The following NRXN3 variants were observed in gnomAD, a reference collection of about 807,000 sequenced individuals.
NRXN3 encodes the protein neurexin III.
In NRXN3, 32 loss-of-function variants were observed where a neutral mutation model predicts 137.6. The ratio of observed to expected loss-of-function variants is 0.23; its 90% CI spans 0.18 to 0.31. The LOEUF (loss-of-function observed/expected upper bound fraction) is 0.31, where lower values mean the gene tolerates loss of function less well. Ranked by LOEUF, NRXN3 falls within the 10% of genes least tolerant of loss-of-function variation. NRXN3 has a pLI of 1.00. For missense variants in NRXN3, 1,574 were observed against 2,062.5 expected (o/e 0.76, Z 4.59); for synonymous variants, 798 against 784.5 (o/e 1.02, Z -0.29).
chr14:78,224,810 A>G (rs1386118475), intron 1 of NRXN3, among the ~76,000 whole-genome samples: 1 of 113,402 alleles, frequency 8.8e-6, no homozygotes, highest in East Asian at 3.0e-4. Context: ...CCCAGGCTGG[A>G]CTGCGGACTG....
chr14:78,311,593 T>C (rs969159763), intron 4 of NRXN3, among the ~76,000 whole-genome samples: 1 of 152,208 alleles, frequency 6.6e-6, no homozygotes, highest in African/African-American at 2.4e-5. Context: ...GTATTTCATG[T>C]GTGGCCTAAG....
At position 78,300,923 on chromosome 14, in the gene NRXN3, A is replaced by G. The variant is rs547258177; in HGVS notation, c.757+3063A>G. ...TGTTGGCCTGCCTCCCTCTAAACTG[A>G]GGGCGGGCCTTCTGCATGATCTTGT... On this transcript the variant is annotated intron_variant, in intron 4 of 20. Transcript: ENST00000335750. 7.2e-5 allele frequency among the ~76,000 whole-genome samples: 11 copies of G among 152,252 alleles called. No homozygotes were observed. The East Asian group carries it at 1.9e-3, about 27-fold the overall frequency.
intron 19 of NRXN3, among the ~76,000 whole-genome samples, chr14:79,785,173 C>T (rs1214338590): frequency 6.6e-6 from 1 of 152,158 alleles, no homozygotes; most frequent in Admixed American, 6.6e-5. Flanking sequence ...ATACCTGGGA[C>T]ATACATTCTT....
chr14:78,898,965 G>A (rs911660182), intron 10 of NRXN3, among the ~76,000 whole-genome samples: 14 of 151,976 alleles, frequency 9.2e-5, no homozygotes, highest in African/African-American at 3.1e-4. Flanking sequence ...ATGCTTCTTG[G>A]GAGAGAGAGA....
chr14:78,937,207 C>CAAAGA (rs903052764), intron 10 of NRXN3, among the ~76,000 whole-genome samples: 3 of 140,142 alleles, frequency 2.1e-5, no homozygotes, highest in African/African-American at 7.8e-5. Context: ...AAAAAAGAAA[C>CAAAGA]AAAGAAAAGA....
At chr14:79,811,303 A>G (rs1371554180) in intron 20 of NRXN3, among the ~76,000 whole-genome samples, 6 of 152,162 alleles carry the variant, frequency 3.9e-5, no homozygotes, top group African/African-American at 1.2e-4. Flanking sequence ...AGAGAACTGT[A>G]TATCGATAGA....
At chr14:78,260,021 C>A (rs2070424547) in intron 2 of NRXN3, among the ~76,000 whole-genome samples, 1 of 152,166 alleles carries the variant, frequency 6.6e-6, no homozygotes, top group Admixed American at 6.5e-5. Context: ...TACACAAATT[C>A]TCTCGCTGAA....
At chr14:78,320,342 A>G (rs779638285) in intron 4 of NRXN3, among the ~76,000 whole-genome samples, 3 of 152,190 alleles carry the variant, frequency 2.0e-5, no homozygotes, top group Non-Finnish European at 2.9e-5. Flanking sequence ...AGGGACGGAA[A>G]TGAATTATTT....
At chr14:79,034,167 G>A (rs7144960) in intron 15 of NRXN3, among the ~76,000 whole-genome samples, 151,354 of 152,152 alleles carry the variant, frequency 0.99, 75,299 homozygotes, top group Middle Eastern at 1. Context: ...TGAGACTAAA[G>A]CCAAAGTTTG....
intron 4 of NRXN3, among the ~76,000 whole-genome samples, chr14:78,487,393 A>T (rs1452360367): frequency 6.6e-6 from 1 of 152,128 alleles, no homozygotes; most frequent in Non-Finnish European, 1.5e-5. Context: ...GTACTTCAAG[A>T]AAAAATGCCA....
rs1362540120 is a variant in NRXN3 at position 79,780,454 on chromosome 14, A to C, written c.4015-24658A>C. The stretch of plus-strand genomic sequence containing the variant: ...TCTCTACTAAAAATACAAAAAAAAA[A>C]CAAAATTAGCCAGGCGTGGTGGTGG... On this transcript the variant is annotated intron_variant, in intron 19 of 20. Transcript: ENST00000335750. Among the ~76,000 whole-genome samples the C allele has an allele frequency of 4.0e-5, 6 of 151,242 alleles. No individual in the cohort carries two copies. The East Asian group carries it at 9.7e-4, about 25-fold the overall frequency.
intron 10 of NRXN3, among the ~76,000 whole-genome samples, chr14:78,908,159 G>T (rs2099224512): frequency 6.6e-6 from 1 of 151,978 alleles, no homozygotes; most frequent in South Asian, 2.1e-4. Flanking sequence ...ACAGCTGCTA[G>T]CATGTCTTTG....
At position 79,862,052 on chromosome 14, in the gene NRXN3, A is replaced by C. The variant is rs1027413992; in HGVS notation, c.*88A>C. On this transcript the variant is annotated 3_prime_UTR_variant, in exon 21 of 21. Transcript: ENST00000335750. ...TGGACGGTGAGATCTCACAGATGTC[A>C]GAACTGCTGGAACTATGAAATGGGG... 2 of 1,152,962 alleles carry C rather than the reference A, an allele frequency of 1.7e-6. No individual in the cohort carries two copies. Among genetic ancestry groups the C allele is most frequent in the South Asian group, 3.1e-5 (2 of 63,942 alleles). 71.4% of individuals were successfully genotyped at this position (1,152,962 alleles called of 1,614,324 possible).
chr14:79,107,699 TAG>T (rs2052702106), intron 15 of NRXN3, among the ~76,000 whole-genome samples: 1 of 151,692 alleles, frequency 6.6e-6, no homozygotes, highest in South Asian at 2.1e-4. Context: ...GATAGGGAGG[TAG>T]AGAGAGAATT....
chr14:78,410,942 G>A (rs919133288), intron 4 of NRXN3, among the ~76,000 whole-genome samples: 4 of 152,306 alleles, frequency 2.6e-5, no homozygotes, highest in South Asian at 4.1e-4. Context: ...AGGCAGCTTG[G>A]TGGAGAAGGC....
chr14:79,759,218 G>A (rs2099030138), intron 19 of NRXN3, among the ~76,000 whole-genome samples: 1 of 147,896 alleles, frequency 6.8e-6, no homozygotes, highest in Admixed American at 6.6e-5. Flanking sequence ...TTATAACTGG[G>A]TAGTAAACAT....
intron 15 of NRXN3, among the ~76,000 whole-genome samples, chr14:79,405,797 A>C (rs185111390): frequency 6.6e-6 from 1 of 152,220 alleles, no homozygotes; most frequent in Admixed American, 6.5e-5. Context: ...TTATGAGGGA[A>C]CCTTTGTCTT....
At chr14:79,660,194 T>C (rs1365106007) in intron 16 of NRXN3, among the ~76,000 whole-genome samples, 1 of 152,128 alleles carries the variant, frequency 6.6e-6, no homozygotes, top group East Asian at 1.9e-4. Context: ...TGCATGATAG[T>C]TTCAAGCCTG....
At chr14:79,797,353 G>A (rs2099164129) in intron 19 of NRXN3, among the ~76,000 whole-genome samples, 1 of 152,204 alleles carries the variant, frequency 6.6e-6, no homozygotes, top group African/African-American at 2.4e-5. Context: ...ATAGCTGGAA[G>A]AACCCATGGC....
Sources: gnomAD v4.1 joint callset for allele counts (sites outside exome capture counted in the v4.1 genomes callset) on GRCh38, gnomAD v4.1.1 for gene constraint, MANE v1.5 for transcripts, NCBI Gene and HGNC (gene_info 2026-07-23, HGNC 2026-07-21) for gene names.